The following SLC35F1 variants were observed in gnomAD, a reference collection of about 807,000 sequenced individuals.
The protein encoded by SLC35F1 is chromosome 6 open reading frame 169.
Under a neutral mutation model 48.7 loss-of-function variants are expected in SLC35F1, and 14 were observed. The ratio of observed to expected loss-of-function variants is 0.29; its 90% CI spans 0.19 to 0.45. The LOEUF (loss-of-function observed/expected upper bound fraction) is 0.45. Ranked by LOEUF, SLC35F1 falls within the 20% of genes least tolerant of loss-of-function variation. SLC35F1 has a pLI of 1.00. For missense variants in SLC35F1, 404 were observed against 500.0 expected, an observed-to-expected ratio of 0.81 and a Z score of 1.83; for synonymous variants, 190 against 202.2, an observed-to-expected ratio of 0.94 and a Z score of 0.51.
At chr6:117,961,091 T>C (rs906645646) in intron 1 of SLC35F1, among the ~76,000 whole-genome samples, 3 of 152,214 alleles carry the variant, frequency 2.0e-5, no homozygotes, top group Admixed American at 1.3e-4. Context: ...TACATTTCTC[T>C]TAAGTGAATC....
intron 1 of SLC35F1, among the ~76,000 whole-genome samples, chr6:118,038,422 C>T (rs899015914): frequency 6.6e-6 from 1 of 151,714 alleles, no homozygotes; most frequent in African/African-American, 2.4e-5. Flanking sequence ...CTGAAACTGT[C>T]TTTATTTTGG....
chr6:117,965,336 C>T (rs1351770930), intron 1 of SLC35F1, among the ~76,000 whole-genome samples: 2 of 152,178 alleles, frequency 1.3e-5, no homozygotes, highest in Non-Finnish European at 2.9e-5. Context: ...AATCCTTGCC[C>T]TCAACCAAGT....
intron 1 of SLC35F1, among the ~76,000 whole-genome samples, chr6:118,036,142 G>A (rs1368340898): frequency 6.6e-6 from 1 of 151,868 alleles, no homozygotes; most frequent in Admixed American, 6.6e-5. Flanking sequence ...GGTTATTGGG[G>A]TTTTTTTCTT....
At chr6:118,099,850 A>G (rs1773231562) in intron 1 of SLC35F1, among the ~76,000 whole-genome samples, 1 of 152,180 alleles carries the variant, frequency 6.6e-6, no homozygotes, top group African/African-American at 2.4e-5. Flanking sequence ...GTACTCTAAA[A>G]ACAGTGGTGG....
At chr6:118,154,173 G>C (rs1774104778) in intron 1 of SLC35F1, among the ~76,000 whole-genome samples, 1 of 152,088 alleles carries the variant, frequency 6.6e-6, no homozygotes, top group Admixed American at 6.5e-5. Flanking sequence ...GGCTCTTTCG[G>C]AGAGATTTGG....
chr6:117,944,042 C>T (rs1165604074), intron 1 of SLC35F1, among the ~76,000 whole-genome samples: 1 of 152,132 alleles, frequency 6.6e-6, no homozygotes, highest in Non-Finnish European at 1.5e-5. Flanking sequence ...TGAAAAAAAG[C>T]ACTAAAAATT....
intron 2 of SLC35F1, among the ~76,000 whole-genome samples, chr6:118,172,768 T>C (rs1774425372): frequency 6.6e-6 from 1 of 152,190 alleles, no homozygotes; most frequent in Admixed American, 6.6e-5. Flanking sequence ...TGTTAATCTA[T>C]TTGATGATAT....
intron 1 of SLC35F1, among the ~76,000 whole-genome samples, chr6:117,938,779 A>T (rs1359747685): frequency 6.6e-6 from 1 of 152,168 alleles, no homozygotes; most frequent in African/African-American, 2.4e-5. Flanking sequence ...TGCCTGGGAT[A>T]TACGCACATC....
chr6:118,136,282 A>G (rs376613123), intron 1 of SLC35F1, among the ~76,000 whole-genome samples: 53 of 152,338 alleles, frequency 3.5e-4, no homozygotes, highest in African/African-American at 1.3e-3. Context: ...ATGCTAACTC[A>G]TTGAGCATGC....
intron 1 of SLC35F1, among the ~76,000 whole-genome samples, chr6:117,987,378 CT>C (rs869050452): frequency 3.1e-5 from 2 of 65,206 alleles, no homozygotes; most frequent in Non-Finnish European, 6.5e-5. Flanking sequence ...TCTTCTCCTT[CT>C]TTTTTTCCTC....
chr6:117,993,167 T>C (rs779894877), intron 1 of SLC35F1, among the ~76,000 whole-genome samples: 3 of 152,138 alleles, frequency 2.0e-5, no homozygotes, highest in African/African-American at 4.8e-5. Flanking sequence ...TCTGCCCTCA[T>C]GGGTGCCTGG....
intron 3 of SLC35F1, among the ~76,000 whole-genome samples, chr6:118,245,289 A>G (rs1294272820): frequency 6.6e-6 from 1 of 151,806 alleles, no homozygotes; most frequent in East Asian, 1.9e-4. Flanking sequence ...TAGTTTAAAA[A>G]CTCTCTTTGG....
At chr6:118,084,840 C>A (rs540914661) in intron 1 of SLC35F1, among the ~76,000 whole-genome samples, 63 of 152,116 alleles carry the variant, frequency 4.1e-4, no homozygotes, top group Non-Finnish European at 6.9e-4. Context: ...TCCCTGGGAC[C>A]AGGAAACTCA....
intron 1 of SLC35F1, among the ~76,000 whole-genome samples, chr6:117,922,471 A>G (rs1377411393): frequency 1.3e-5 from 2 of 152,248 alleles, no homozygotes; most frequent in Non-Finnish European, 1.5e-5. Flanking sequence ...GCAAAGAAGT[A>G]TAAGGTTAGG....
At chr6:117,937,413 T>C (rs1288808204) in intron 1 of SLC35F1, among the ~76,000 whole-genome samples, 1 of 152,220 alleles carries the variant, frequency 6.6e-6, no homozygotes, top group African/African-American at 2.4e-5. Context: ...TGAATAACTA[T>C]TTAAAAGTTC....
At chr6:118,130,304 GCTT>G (rs1168645660) in intron 1 of SLC35F1, among the ~76,000 whole-genome samples, 38 of 152,230 alleles carry the variant, frequency 2.5e-4, no homozygotes, top group African/African-American at 8.2e-4. Flanking sequence ...GTCTAGATAC[GCTT>G]CTTAAGAGGC....
chr6:118,087,016 C>T (rs1242780475), intron 1 of SLC35F1, among the ~76,000 whole-genome samples: 2 of 152,096 alleles, frequency 1.3e-5, no homozygotes, highest in African/African-American at 4.8e-5. Flanking sequence ...TCTTTGTTCC[C>T]CAGTCCCCCG....
intron 2 of SLC35F1, among the ~76,000 whole-genome samples, chr6:118,169,701 T>C (rs984153838): frequency 1.3e-5 from 2 of 152,178 alleles, no homozygotes; most frequent in East Asian, 1.9e-4. Context: ...TAAAACATTA[T>C]AGGCACTGGA....
chr6:117,914,624 G>T (rs964408385), intron 1 of SLC35F1, among the ~76,000 whole-genome samples: 1 of 152,146 alleles, frequency 6.6e-6, no homozygotes, highest in African/African-American at 2.4e-5. Context: ...GCCATTGGTG[G>T]AGTTTCTGTT....
Sources: allele counts gnomAD v4.1 joint callset (sites outside exome capture counted in the v4.1 genomes callset), GRCh38; gene constraint gnomAD v4.1.1; transcripts MANE v1.5; gene names NCBI Gene and HGNC (gene_info 2026-07-23, HGNC 2026-07-21).